Variants in ZFAND4 observed in about 807,000 individuals in gnomAD.
ZFAND4 encodes the protein AN1-type zinc finger protein 4.
Under a neutral mutation model 64.4 loss-of-function variants are expected in ZFAND4, and 43 were observed. That is an observed-to-expected ratio of 0.67 (90% CI 0.52 to 0.86). ZFAND4 has a LOEUF of 0.86. Ranked by LOEUF, ZFAND4 falls within the 40% of genes least tolerant of loss-of-function variation. The probability of loss-of-function intolerance (pLI) is 0.00; values close to 1 mark genes in which losing one functional copy is unlikely to be tolerated. For missense variants in ZFAND4, 929 were observed against 859.8 expected, an observed-to-expected ratio of 1.08 and a Z score of -1.01; for synonymous variants, 296 against 305.7, an observed-to-expected ratio of 0.97 and a Z score of 0.33.
chr10:45,624,832 C>T (rs577491915), intron 7 of ZFAND4, among the ~76,000 whole-genome samples, 195 bp from the exon 8 acceptor site: 1 of 152,210 alleles, frequency 6.6e-6, no homozygotes, highest in Non-Finnish European at 1.5e-5. Flanking sequence ...TATTATTTAT[C>T]TTTAAGAGGG....
intron 2 of ZFAND4, among the ~76,000 whole-genome samples, chr10:45,654,490 G>C (rs1248590751): frequency 6.6e-6 from 1 of 151,880 alleles, no homozygotes; most frequent in Non-Finnish European, 1.5e-5. Context: ...ATAGTGGCAG[G>C]CGCCTGTAGT....
At chr10:45,625,176 C>CA (rs71023137) in intron 7 of ZFAND4, among the ~76,000 whole-genome samples, 1,512 of 103,986 alleles carry the variant, frequency 0.015, 12 homozygotes, top group African/African-American at 0.027. Context: ...GACCCTGTCT[C>CA]AAAAAAAAAA....
chr10:45,668,930 C>G (rs1398732169), intron 1 of ZFAND4, among the ~76,000 whole-genome samples: 2 of 152,130 alleles, frequency 1.3e-5, no homozygotes, highest in African/African-American at 4.8e-5. Flanking sequence ...GCACTAAATG[C>G]CCACAAGAGA....
intron 5 of ZFAND4, chr10:45,640,199 C>G: frequency 8.0e-7 from 1 of 1,247,512 alleles, no homozygotes; most frequent in Non-Finnish European, 1.0e-6. Flanking sequence ...CTGAGCTTCT[C>G]TGAATTCAGT....
intron 6 of ZFAND4, among the ~76,000 whole-genome samples, chr10:45,637,362 T>G (rs74460250): frequency 6.6e-6 from 1 of 150,936 alleles, no homozygotes; most frequent in African/African-American, 2.4e-5. Context: ...AAAAAAAATT[T>G]CAGCTGGACT....
At chr10:45,635,602 A>T (rs145383730) in intron 6 of ZFAND4, among the ~76,000 whole-genome samples, 1 of 152,218 alleles carries the variant, frequency 6.6e-6, no homozygotes, top group Non-Finnish European at 1.5e-5. Flanking sequence ...TCTCAAAGAC[A>T]TATTTGTATA....
chr10:45,635,146 A>C (rs987706573), intron 6 of ZFAND4, among the ~76,000 whole-genome samples: 1 of 150,570 alleles, frequency 6.6e-6, no homozygotes, highest in East Asian at 1.9e-4. Context: ...AATAATCCTA[A>C]AATTTACATG....
intron 5 of ZFAND4, among the ~76,000 whole-genome samples, chr10:45,642,321 C>A (rs2047058273): frequency 6.6e-6 from 1 of 151,764 alleles, no homozygotes; most frequent in Admixed American, 6.6e-5. Context: ...TATAAAAGAA[C>A]AATCAGCTGG....
intron 2 of ZFAND4, among the ~76,000 whole-genome samples, chr10:45,661,797 A>G (rs10793622): frequency 0.55 from 83,174 of 151,788 alleles, 22,933 homozygotes; most frequent in South Asian, 0.66. Context: ...AAAATCAGTC[A>G]GGCATGGTGG....
Position 45,616,669 on chromosome 10 carries a change from C to A in ZFAND4, c.2049-98G>T. 10 of 1,280,498 alleles carry A rather than the reference C, an allele frequency of 7.8e-6. No individual in the cohort carries two copies. The South Asian group carries it at 1.3e-4, about 16-fold the overall frequency. 79.3% of individuals were successfully genotyped at this position (1,280,498 alleles called of 1,614,324 possible). ...TTGACTTCAGGTAGTCCAACAGGGG[C>A]CCTTTGGTTCTTTTTAGCAATTTCA... On this transcript the variant is annotated intron_variant, in intron 9 of 9. Transcript: ENST00000344646.
intron 6 of ZFAND4, among the ~76,000 whole-genome samples, chr10:45,637,680 G>A (rs941023045): frequency 1.3e-5 from 2 of 152,114 alleles, no homozygotes; most frequent in Non-Finnish European, 2.9e-5. Flanking sequence ...AACCCAGGAG[G>A]TGGAGGTTGC....
intron 6 of ZFAND4, among the ~76,000 whole-genome samples, chr10:45,636,878 T>C (rs1478439787): frequency 1.3e-5 from 2 of 152,156 alleles, no homozygotes; most frequent in East Asian, 3.8e-4. Context: ...AACAAAAGTA[T>C]TTGTTTATTT....
At chr10:45,666,349 A>T (rs112080350) in intron 1 of ZFAND4, among the ~76,000 whole-genome samples, 4,446 of 152,274 alleles carry the variant, frequency 0.029, 80 homozygotes, top group East Asian at 0.053. Context: ...ATTTGCATAC[A>T]TTCTTTGGAG....
In ZFAND4 at chr10:45,626,677, G is replaced by A. The variant is rs1029550595; in HGVS notation, c.1146C>T (p.Val382=). 1.2e-6 allele frequency: 2 copies of A among 1,614,216 alleles called. No homozygotes were observed. The highest frequency in any genetic ancestry group is 3.3e-4 in the Middle Eastern group (2 of 6,062). ...GNLPSSNGNI[V]LPSEECVTEQ... ...CGGTTACACATTCTTCTGAAGGTAA[G>A]ACAATGTTCCCATTACTAGATGGCA... The change falls in exon 7 of 10, where the codon GTC becomes GTT. Residue 382 remains valine (V), a synonymous_variant. Transcript: ENST00000344646.
chr10:45,645,418 T>C (rs1247866840), intron 5 of ZFAND4, among the ~76,000 whole-genome samples: 1 of 152,230 alleles, frequency 6.6e-6, no homozygotes, highest in African/African-American at 2.4e-5. Context: ...ATCATCAGTT[T>C]GGTGGCTTAC....
chr10:45,624,185 A>T (rs1041893404), intron 8 of ZFAND4, among the ~76,000 whole-genome samples: 2 of 152,218 alleles, frequency 1.3e-5, no homozygotes, highest in African/African-American at 4.8e-5. Context: ...CTAGTTCATC[A>T]AAAAGAGATT....
chr10:45,637,781 AAAACT>A (rs1474098907), intron 6 of ZFAND4, among the ~76,000 whole-genome samples: 3 of 150,406 alleles, frequency 2.0e-5, no homozygotes, highest in Non-Finnish European at 4.4e-5. Flanking sequence ...AAAACAAAAC[AAAACT>A]GATAAATTAG....
At position 45,626,644 on chromosome 10, in the gene ZFAND4, T is replaced by G; in HGVS notation, c.1179A>C (p.Ser393=). ...LPSEECVTEQ[S]LLPKVGSLAS... ...CCAGTGAGCCCACTTTAGGTAGAAG[T>G]GATTGTTCGGTTACACATTCTTCTG... The change falls in exon 7 of 10, where the codon TCA becomes TCC. Residue 393 remains serine (S), a synonymous_variant. Transcript: ENST00000344646. 1 of 1,614,206 alleles carries G rather than the reference T, an allele frequency of 6.2e-7. No homozygotes were observed. The highest frequency in any genetic ancestry group is 1.7e-4 in the Middle Eastern group (1 of 6,060).
At chr10:45,658,727 G>A (rs1334528190) in intron 2 of ZFAND4, among the ~76,000 whole-genome samples, 2 of 152,044 alleles carry the variant, frequency 1.3e-5, no homozygotes, top group Non-Finnish European at 2.9e-5. Flanking sequence ...ACAAATACTT[G>A]GAATTTAATA....
Sources: allele counts gnomAD v4.1 joint callset (sites outside exome capture counted in the v4.1 genomes callset), GRCh38; gene constraint gnomAD v4.1.1; transcripts MANE v1.5; gene names NCBI Gene and HGNC (gene_info 2026-07-23, HGNC 2026-07-21).